Variants in MECR observed in about 807,000 individuals in gnomAD.
MECR encodes the protein enoyl-[acyl-carrier-protein] reductase, mitochondrial.
Under a neutral mutation model 49.1 loss-of-function variants are expected in MECR, and 37 were observed. The ratio of observed to expected loss-of-function variants is 0.75; its 90% CI spans 0.58 to 0.99. The LOEUF (loss-of-function observed/expected upper bound fraction) is 0.99, where lower values mean the gene tolerates loss of function less well. MECR is among the 50% of genes least tolerant of loss of function. The pLI is 0.00. For synonymous variants in MECR, 198 were observed against 191.1 expected (o/e 1.04, Z -0.30); for missense variants, 470 against 479.6 (o/e 0.98, Z 0.19).
intron 1 of MECR, chr1:29,221,282 G>A (rs1680708133): frequency 6.6e-6 from 1 of 152,196 alleles, no homozygotes; most frequent in Non-Finnish European, 1.5e-5. Context: ...CTGGGAGAAG[G>A]GCTATAATAG....
At chr1:29,217,189 C>A (rs1239944540) in intron 1 of MECR, among the ~76,000 whole-genome samples, 1 of 132,734 alleles carries the variant, frequency 7.5e-6, no homozygotes, top group Non-Finnish European at 1.6e-5. Flanking sequence ...CTCTCATTAA[C>A]TGCAAGTGGA....
chr1:29,199,963 G>C (rs1674928177), intron 7 of MECR, among the ~76,000 whole-genome samples: 3 of 151,362 alleles, frequency 2.0e-5, no homozygotes. Context: ...GTCTCACTAT[G>C]TTACCCAGGC....
At chr1:29,178,256 A>G in the MECR span, among the ~76,000 whole-genome samples, 3 of 152,162 alleles carry the variant, frequency 2.0e-5, no homozygotes, top group Admixed American at 6.5e-5. Context: ...TCAGCCTAAC[A>G]TATCTACTGA....
At chr1:29,195,741 G>C (rs1673816394) in intron 9 of MECR, among the ~76,000 whole-genome samples, 200 bp downstream of exon 9, 1 of 152,176 alleles carries the variant, frequency 6.6e-6, no homozygotes, top group Non-Finnish European at 1.5e-5. Context: ...TGTCTGTCTT[G>C]TTCTGCGCCC....
the MECR span, chr1:29,181,599 T>A: frequency 4.7e-6 from 7 of 1,503,812 alleles, no homozygotes; most frequent in Non-Finnish European, 9.0e-7. Context: ...CCCCACCACC[T>A]ATGGGGTCTG....
In MECR at chr1:29,196,465, T is replaced by C. The variant is rs376645914; in HGVS notation, c.831-207A>G. On this transcript the variant is annotated intron_variant, in intron 7 of 9. Transcript: ENST00000263702. ...ACTTTGGGAGGCTGAGGCAGGTGGA[T>C]CACTTGAGCCCAGGAGTTCAAGACC... Among the ~76,000 whole-genome samples the C allele has an allele frequency of 1.1e-4, 17 of 152,250 alleles. No individual in the cohort carries two copies. In the East Asian group the frequency reaches 2.7e-3, roughly 24 times the overall value.
intron 7 of MECR, among the ~76,000 whole-genome samples, chr1:29,197,914 C>T (rs1342753753): frequency 6.6e-6 from 1 of 152,378 alleles, no homozygotes; most frequent in Non-Finnish European, 1.5e-5. Flanking sequence ...GTCATTTGTA[C>T]AGCAATTTGT....
At chr1:29,223,040 A>G (rs985147434) in intron 1 of MECR, 27 of 969,378 alleles carry the variant, frequency 2.8e-5, no homozygotes, top group Non-Finnish European at 3.3e-5. Context: ...TTAAAAAAAC[A>G]AACAAACAAA....
chr1:29,196,644 C>A (rs1674067560), intron 7 of MECR, among the ~76,000 whole-genome samples: 2 of 152,068 alleles, frequency 1.3e-5, no homozygotes, highest in African/African-American at 4.8e-5. Context: ...GCCCTGATCG[C>A]ACTACTGCAC....
At chr1:29,190,672 C>T (rs1673102861), downstream of MECR, among the ~76,000 whole-genome samples, 1 of 151,908 alleles carries the variant, frequency 6.6e-6, no homozygotes, top group South Asian at 2.1e-4. Flanking sequence ...GCAGGTAATC[C>T]CAGCTACTCG....
At chr1:29,181,352 C>T in the MECR span, among the ~76,000 whole-genome samples, 1 of 152,236 alleles carries the variant, frequency 6.6e-6, no homozygotes, top group Non-Finnish European at 1.5e-5. Flanking sequence ...GTCTCCCGGG[C>T]GCCCTGGAGC....
chr1:29,180,888 C>A, the MECR span, among the ~76,000 whole-genome samples: 1 of 152,192 alleles, frequency 6.6e-6, no homozygotes, highest in African/African-American at 2.4e-5. Flanking sequence ...TCTGCGTTAA[C>A]CAGACGCAGA....
At chr1:29,194,779 C>A (rs368894596) in intron 9 of MECR, among the ~76,000 whole-genome samples, 8 of 152,158 alleles carry the variant, frequency 5.3e-5, no homozygotes, top group African/African-American at 1.9e-4. Flanking sequence ...ATTCATTCAG[C>A]CTTCAAATCT....
chr1:29,179,555 G>A, the MECR span, among the ~76,000 whole-genome samples: 1 of 152,088 alleles, frequency 6.6e-6, no homozygotes. Flanking sequence ...TAGAGATGGG[G>A]TCAGGCTGGT....
chr1:29,228,534 TA>T (rs1361555046), intron 1 of MECR, among the ~76,000 whole-genome samples: 1 of 152,054 alleles, frequency 6.6e-6, no homozygotes, highest in Non-Finnish European at 1.5e-5. Flanking sequence ...GTATTTTTAG[TA>T]GAGACAGGGT....
chr1:29,229,252 G>C (rs1391106593), intron 1 of MECR, among the ~76,000 whole-genome samples: 1 of 151,572 alleles, frequency 6.6e-6, no homozygotes, highest in East Asian at 1.9e-4. Context: ...GCCCAGGCTG[G>C]AGTGCAGTGG....
the MECR span, chr1:29,170,738 T>C: frequency 0.3 from 45,843 of 152,018 alleles, 7,277 homozygotes; most frequent in Middle Eastern, 0.36. Flanking sequence ...CCTGACTCCC[T>C]TGCCTGAGCC....
At chr1:29,178,585 T>C in the MECR span, among the ~76,000 whole-genome samples, 1 of 151,914 alleles carries the variant, frequency 6.6e-6, no homozygotes, top group Non-Finnish European at 1.5e-5. Context: ...CTCGATCTCC[T>C]GACCTCGTCA....
At chr1:29,216,838 G>A in intron 1 of MECR, 153 bp from the exon 2 acceptor site, 2 of 1,469,596 alleles carry the variant, frequency 1.4e-6, no homozygotes, top group Non-Finnish European at 1.8e-6. Flanking sequence ...GGTACCATAA[G>A]AAATCAACAC....
Sources: gnomAD v4.1 joint callset for allele counts (sites outside exome capture counted in the v4.1 genomes callset) on GRCh38, gnomAD v4.1.1 for gene constraint, MANE v1.5 for transcripts, NCBI Gene and HGNC (gene_info 2026-07-23, HGNC 2026-07-21) for gene names.